The following NMNAT2 variants were observed in gnomAD, a reference collection of about 807,000 sequenced individuals.
NMNAT2 encodes the protein nicotinamide nucleotide adenylyltransferase 2.
A neutral mutation model predicts 41.6 loss-of-function variants in NMNAT2; 11 were observed. That is an observed-to-expected ratio of 0.26 (90% confidence interval 0.17 to 0.44). The LOEUF (loss-of-function observed/expected upper bound fraction) is 0.44, where lower values mean the gene tolerates loss of function less well. NMNAT2 is among the 20% of genes least tolerant of loss of function. The pLI is 1.00. For missense variants in NMNAT2, 288 were observed against 407.7 expected (o/e 0.71, Z 2.53); for synonymous variants, 148 against 151.2 (o/e 0.98, Z 0.16).
chr1:183,406,009 A>T (rs1421969734), intron 1 of NMNAT2, among the ~76,000 whole-genome samples: 2 of 152,240 alleles, frequency 1.3e-5, no homozygotes, highest in African/African-American at 4.8e-5. Context: ...CCACCAAATG[A>T]CAAATTTTTC....
chr1:183,377,193 C>T (rs988321878), intron 1 of NMNAT2, among the ~76,000 whole-genome samples: 6 of 151,962 alleles, frequency 3.9e-5, no homozygotes, highest in Non-Finnish European at 7.4e-5. Flanking sequence ...TTGTTGGGTG[C>T]AACATTATAT....
chr1:183,326,072 GCA>G (rs1662456180), intron 1 of NMNAT2, among the ~76,000 whole-genome samples: 1 of 152,072 alleles, frequency 6.6e-6, no homozygotes, highest in African/African-American at 2.4e-5. Context: ...CAGTCATCAG[GCA>G]CACACAAGAC....
At chr1:183,416,278 C>T (rs927215240) in intron 1 of NMNAT2, among the ~76,000 whole-genome samples, 13 of 152,226 alleles carry the variant, frequency 8.5e-5, no homozygotes, top group Non-Finnish European at 4.4e-5. Context: ...AGGAGCAGTA[C>T]CTGCTGGGTC....
At chr1:183,361,069 A>G (rs1218142349) in intron 1 of NMNAT2, among the ~76,000 whole-genome samples, 1 of 152,232 alleles carries the variant, frequency 6.6e-6, no homozygotes, top group Non-Finnish European at 1.5e-5. Context: ...GCATGTATGC[A>G]TAAGAAGCTA....
At chr1:183,369,405 T>C (rs966408144) in intron 1 of NMNAT2, among the ~76,000 whole-genome samples, 3 of 151,978 alleles carry the variant, frequency 2.0e-5, no homozygotes, top group Non-Finnish European at 4.4e-5. Context: ...GCCTCCCAAG[T>C]AGCTGGGACT....
chr1:183,310,548 T>C (rs757838148), intron 1 of NMNAT2, among the ~76,000 whole-genome samples: 1 of 152,204 alleles, frequency 6.6e-6, no homozygotes, highest in South Asian at 2.1e-4. Context: ...TCTAGATCAA[T>C]CATTTTCAAC....
intron 1 of NMNAT2, among the ~76,000 whole-genome samples, chr1:183,311,323 G>A (rs1662113959): frequency 6.6e-6 from 1 of 152,110 alleles, no homozygotes; most frequent in Admixed American, 6.6e-5. Context: ...CTCCTTACAG[G>A]CCCTAATTAA....
chr1:183,295,194 G>C (rs999780392), intron 1 of NMNAT2, among the ~76,000 whole-genome samples: 1 of 152,030 alleles, frequency 6.6e-6, no homozygotes. Context: ...AGTAGAGACG[G>C]GTTCCACGTG....
chr1:183,279,738 C>T (rs1169785720), intron 7 of NMNAT2, among the ~76,000 whole-genome samples: 1 of 152,220 alleles, frequency 6.6e-6, no homozygotes, highest in Non-Finnish European at 1.5e-5. Flanking sequence ...GCAATGCCAG[C>T]ATCTCATGGT....
chr1:183,412,231 G>A (rs114395214), intron 1 of NMNAT2, among the ~76,000 whole-genome samples: 13,797 of 152,208 alleles, frequency 0.091, 802 homozygotes, highest in Middle Eastern at 0.18. Context: ...TTTTTTGTTT[G>A]TTTGTTTATT....
rs374015451 is a variant in NMNAT2, at chr1:183,291,200, A to G, written c.243-994T>C. ...CCAAAGTGCTGGGATTACAAGCATG[A>G]GCCCCCGTGCCCTGCCTTGTCTAAC... is the stretch of plus-strand genomic sequence containing the variant. On this transcript the variant is annotated intron_variant, in intron 3 of 10. Transcript: ENST00000287713. Among the ~76,000 whole-genome samples, 8 of 152,282 alleles carry G rather than the reference A, an allele frequency of 5.3e-5. No individual in the cohort carries two copies. In the East Asian group the frequency reaches 1.5e-3, roughly 29 times the overall value.
intron 1 of NMNAT2, among the ~76,000 whole-genome samples, chr1:183,399,265 C>T (rs889668623): frequency 5.3e-5 from 8 of 152,212 alleles, no homozygotes; most frequent in African/African-American, 1.2e-4. Context: ...AGACTACCGT[C>T]GGAGAATATT....
At chr1:183,316,948 T>C (rs1366215636) in intron 1 of NMNAT2, among the ~76,000 whole-genome samples, 1 of 152,196 alleles carries the variant, frequency 6.6e-6, no homozygotes, top group Non-Finnish European at 1.5e-5. Context: ...CCATCCCCCA[T>C]GCCCTCAGCT....
rs960620881 is a variant in NMNAT2 at position 183,284,843 on chromosome 1, A to T, written c.449-53T>A. On this transcript the variant is annotated intron_variant, in intron 5 of 10. Transcript: ENST00000287713. ...ACAGAGTGGGAGAGAACAACTCACAACTGGCACTCATGTCGGCCCGGCATT... is the reference window on the plus strand; with the variant it reads ...ACAGAGTGGGAGAGAACAACTCACATCTGGCACTCATGTCGGCCCGGCATT... 34 of 1,469,732 alleles carry T rather than the reference A, an allele frequency of 2.3e-5. No homozygotes were observed. In the Admixed American group the frequency reaches 4.7e-4, roughly 20 times the overall value. 91.0% of individuals were successfully genotyped at this position (1,469,732 alleles called of 1,614,324 possible). A position where few individuals can be genotyped will look rare whatever the true frequency, so the allele number is the denominator to read the frequency against.
At chr1:183,377,622 A>G (rs978078615) in intron 1 of NMNAT2, among the ~76,000 whole-genome samples, 10 of 152,202 alleles carry the variant, frequency 6.6e-5, no homozygotes, top group African/African-American at 2.4e-4. Flanking sequence ...CTAAAGATCT[A>G]CCAAAAGGAA....
rs571342863 is a variant in NMNAT2, at chr1:183,374,301, C to A, written c.85+43882G>T. 2.6e-5 allele frequency among the ~76,000 whole-genome samples: 4 copies of A among 152,236 alleles called. No individual in the cohort carries two copies. In the East Asian group the frequency reaches 7.8e-4, roughly 30 times the overall value. ...GACTTCAGGAATCTGCTTGCACCCC[C>A]CTGGCTCTGGGCACCTCACCTGTGC... On this transcript the variant is annotated intron_variant, in intron 1 of 10. Coordinates refer to ENST00000287713, the MANE Select transcript of NMNAT2 (RefSeq NM_015039.4).
intron 8 of NMNAT2, among the ~76,000 whole-genome samples, chr1:183,262,749 T>C (rs1054421594): frequency 2.6e-5 from 4 of 152,226 alleles, no homozygotes; most frequent in African/African-American, 9.6e-5. Flanking sequence ...CCAACTTTTA[T>C]TTTTAAAGAG....
chr1:183,350,108 T>A (rs1025395032), intron 1 of NMNAT2, among the ~76,000 whole-genome samples: 1 of 152,174 alleles, frequency 6.6e-6, no homozygotes, highest in South Asian at 2.1e-4. Flanking sequence ...TATGAAGATA[T>A]ACAAGATACA....
chr1:183,262,608 A>G (rs1440162289), intron 8 of NMNAT2, among the ~76,000 whole-genome samples: 1 of 152,246 alleles, frequency 6.6e-6, no homozygotes, highest in Non-Finnish European at 1.5e-5. Flanking sequence ...AGATCTTTAT[A>G]CAAAAATCTT....
Sources: allele counts gnomAD v4.1 joint callset (sites outside exome capture counted in the v4.1 genomes callset), GRCh38; gene constraint gnomAD v4.1.1; transcripts MANE v1.5; gene names NCBI Gene and HGNC (gene_info 2026-07-23, HGNC 2026-07-21).